RPS6KA2: variants seen among roughly 807,000 people sequenced by gnomAD.
RPS6KA2 encodes ribosomal protein S6 kinase A2.
Under a neutral mutation model 91.8 loss-of-function variants are expected in RPS6KA2, and 42 were observed. The ratio of observed to expected loss-of-function variants is 0.46; its 90% CI spans 0.36 to 0.59. RPS6KA2 has a LOEUF of 0.59. Among genes scored for constraint, RPS6KA2 ranks in the 20% least tolerant of loss-of-function variants. The pLI is 0.00. For missense variants in RPS6KA2, 798 were observed against 978.5 expected, an observed-to-expected ratio of 0.82 and a Z score of 2.46; for synonymous variants, 414 against 393.6, an observed-to-expected ratio of 1.05 and a Z score of -0.61.
intron 10 of RPS6KA2, among the ~76,000 whole-genome samples, chr6:166,486,245 C>T (rs1219294379): frequency 3.2e-5 from 2 of 62,112 alleles, no homozygotes; most frequent in Non-Finnish European, 6.2e-5. Flanking sequence ...GAACCCCACA[C>T]ACAGCTGTGA....
At chr6:166,502,248 G>C (rs758326574) in intron 6 of RPS6KA2, among the ~76,000 whole-genome samples, 1 of 152,258 alleles carries the variant, frequency 6.6e-6, no homozygotes, top group East Asian at 1.9e-4. Context: ...ATCTGCCACA[G>C]AGTTAAAAAA....
chr6:166,511,653 C>T (rs1782482433), intron 3 of RPS6KA2, among the ~76,000 whole-genome samples: 1 of 152,152 alleles, frequency 6.6e-6, no homozygotes, highest in Admixed American at 6.5e-5. Flanking sequence ...TCAAACATTG[C>T]TATTGGGACA....
At chr6:166,798,721 G>A (rs77260258) in intron 2 of RPS6KA2, among the ~76,000 whole-genome samples, 2,426 of 152,284 alleles carry the variant, frequency 0.016, 27 homozygotes, top group Middle Eastern at 0.044. Context: ...GATCTGTCTA[G>A]GAACTTCTCT....
chr6:166,825,901 G>A lies in RPS6KA2; in HGVS notation c.123+32299C>T, dbSNP rs61614610. Among the ~76,000 whole-genome samples, 605 of 152,274 alleles carry A rather than the reference G, an allele frequency of 4.0e-3. 7 individuals are homozygous for A. The highest frequency in any genetic ancestry group is 0.013 in the African/African-American group (561 of 41,558). ...CAGATGAAATGTCCACAGCAGGAAG[G>A]AACAGATTCCTCCACTGGGCTGTCA... On this transcript the variant is annotated intron_variant, in intron 2 of 21. Coordinates refer to the RPS6KA2 transcript ENST00000503859. This position sits in a 1 kb window ranked among gnomAD's most constrained non-coding sequence, Gnocchi z 4.1.
chr6:166,856,265 T>G (rs1274135875), intron 2 of RPS6KA2, among the ~76,000 whole-genome samples: 1 of 151,984 alleles, frequency 6.6e-6, no homozygotes, highest in Non-Finnish European at 1.5e-5. Context: ...GAGGGTGGAC[T>G]TCTCATGAAT....
intron 2 of RPS6KA2, among the ~76,000 whole-genome samples, chr6:166,669,140 C>T (rs142899920): frequency 2.5e-3 from 374 of 152,200 alleles, no homozygotes; most frequent in African/African-American, 8.8e-3. Flanking sequence ...GTGATCCGCC[C>T]ACTTCAGCCT....
rs1185738854 is a variant in RPS6KA2, at chr6:166,462,633, T to C, written c.973-3082A>G. ...GCCCCATCTGTGCCTAGCCCGGTGCTGCGAGTCACCTGGGATGCCCAGTGA... is the reference window on the plus strand; with the variant it reads ...GCCCCATCTGTGCCTAGCCCGGTGCCGCGAGTCACCTGGGATGCCCAGTGA... On this transcript the variant is annotated intron_variant, in intron 11 of 20. Transcript: ENST00000265678. 7.2e-5 allele frequency among the ~76,000 whole-genome samples: 11 copies of C among 152,334 alleles called. No individual in the cohort carries two copies. The South Asian group carries it at 1.4e-3, about 20-fold the overall frequency.
At chr6:166,730,990 C>T (rs1421758620) in intron 2 of RPS6KA2, among the ~76,000 whole-genome samples, 1 of 152,202 alleles carries the variant, frequency 6.6e-6, no homozygotes, top group Non-Finnish European at 1.5e-5. Context: ...TGCCTGTAAT[C>T]CCAGCACTTT....
Position 166,447,501 on chromosome 6 carries a change from G to A in RPS6KA2, c.1332+1223C>T, listed in dbSNP as rs1253118246. ...GACCTGAGATTTTTTTTCGGCTGGCGTCTTCTATGACAGCAAAGCGTTTTC... is the reference window on the plus strand; with the variant it reads ...GACCTGAGATTTTTTTTCGGCTGGCATCTTCTATGACAGCAAAGCGTTTTC... On this transcript the variant is annotated intron_variant, in intron 14 of 20. Coordinates refer to ENST00000265678, the MANE Select transcript of RPS6KA2 (RefSeq NM_021135.6). Among the ~76,000 whole-genome samples, 8 of 151,920 alleles carry A rather than the reference G, an allele frequency of 5.3e-5. No homozygotes were observed. The South Asian group carries it at 1.0e-3, about 20-fold the overall frequency.
At chr6:166,689,405 C>T (rs1323429117) in intron 2 of RPS6KA2, among the ~76,000 whole-genome samples, 1 of 152,142 alleles carries the variant, frequency 6.6e-6, no homozygotes, top group African/African-American at 2.4e-5. Context: ...CAACGTGATA[C>T]AAGGAAAAGA....
At chr6:166,801,333 T>G (rs1283647578) in intron 2 of RPS6KA2, among the ~76,000 whole-genome samples, 1 of 22,888 alleles carries the variant, frequency 4.4e-5, no homozygotes, top group African/African-American at 1.5e-4. Context: ...GGGAGGTTTA[T>G]TTTATTTTAT....
At position 166,510,341 on chromosome 6, in the gene RPS6KA2, T is replaced by C. The variant is rs764809177; in HGVS notation, c.315A>G (p.Arg105=). Residue 105 remains arginine (R), a synonymous_variant, in exon 4 of 21, where the codon AGA becomes AGG. Coordinates refer to ENST00000265678, the MANE Select transcript of RPS6KA2 (RefSeq NM_021135.6). ...CCAAGATGTCTCTCTCCATCTTCGA[T>C]CTCACTCGGTCCCGAACTGCAAAGT... ...KATLKVRDRV[R]SKMERDILAE... 1.9e-6 allele frequency: 3 copies of C among 1,600,012 alleles called. No homozygotes were observed. Among genetic ancestry groups the C allele is most frequent in the Non-Finnish European group, 2.6e-6 (3 of 1,171,372 alleles).
At chr6:166,783,335 A>T (rs1778821166) in intron 2 of RPS6KA2, among the ~76,000 whole-genome samples, 1 of 151,978 alleles carries the variant, frequency 6.6e-6, no homozygotes, top group Non-Finnish European at 1.5e-5. Flanking sequence ...CTTAAGGGAA[A>T]AGACTGAGCT....
intron 6 of RPS6KA2, among the ~76,000 whole-genome samples, chr6:166,502,879 T>G (rs1782072955): frequency 6.6e-6 from 1 of 152,216 alleles, no homozygotes; most frequent in African/African-American, 2.4e-5. Context: ...CTGGATAAAG[T>G]CTTTTTTGAT....
intron 3 of RPS6KA2, among the ~76,000 whole-genome samples, chr6:166,514,107 G>A (rs1782560473): frequency 6.6e-6 from 1 of 152,138 alleles, no homozygotes; most frequent in Non-Finnish European, 1.5e-5. Flanking sequence ...AGGTAGGCTC[G>A]GTCTTCCTAG....
At position 166,451,121 on chromosome 6, in the gene RPS6KA2, T is replaced by C. The variant is rs138692855; in HGVS notation, c.1188A>G (p.Pro396=). The change falls in exon 13 of 21, where the codon CCA becomes CCG. Residue 396 remains proline, a synonymous_variant. Transcript: ENST00000265678. ...CAGTTACCTGCACGATTGGGTGAAC[T>C]GGGACTTTGTGCAGATCTTGCTGTG... The part of the protein sequence containing the change: ...EPSQQDLHKV[P]VHPIVQQLHG... 2.8e-4 allele frequency: 456 copies of C among 1,614,108 alleles called. No homozygotes were observed. The highest frequency in any genetic ancestry group is 9.9e-4 in the Middle Eastern group (6 of 6,060).
At chr6:166,713,022 G>A (rs117881161) in intron 2 of RPS6KA2, among the ~76,000 whole-genome samples, 1 of 152,208 alleles carries the variant, frequency 6.6e-6, no homozygotes, top group Non-Finnish European at 1.5e-5. Context: ...GGAGAACAGG[G>A]TTGTGACCCC....
intron 2 of RPS6KA2, among the ~76,000 whole-genome samples, chr6:166,636,148 C>T (rs1394631126): frequency 1.3e-5 from 2 of 152,096 alleles, no homozygotes; most frequent in Non-Finnish European, 2.9e-5. Context: ...TCCTGGGCTC[C>T]ACCAGCCTGG....
intron 2 of RPS6KA2, among the ~76,000 whole-genome samples, chr6:166,782,911 C>A (rs1778807607): frequency 7.0e-6 from 1 of 143,366 alleles, no homozygotes; most frequent in Non-Finnish European, 1.5e-5. Context: ...GGAGGCCACC[C>A]CAGGCTTGTC....
Sources: gnomAD v4.1 joint callset for allele counts (sites outside exome capture counted in the v4.1 genomes callset) on GRCh38, gnomAD v4.1.1 for gene constraint, Gnocchi (gnomAD v3.1) non-coding constraint, MANE v1.5 for transcripts, NCBI Gene and HGNC (gene_info 2026-07-23, HGNC 2026-07-21) for gene names.